GTF2F2: variants seen among roughly 807,000 people sequenced by gnomAD.
GTF2F2 encodes the protein ATP-dependent helicase GTF2F2.
GTF2F2 carries 23 observed loss-of-function variants against 42.2 expected under a neutral mutation model. The observed-to-expected ratio is 0.55, with a 90% confidence interval of 0.39 to 0.77. GTF2F2 has a LOEUF of 0.77. Ranked by LOEUF, GTF2F2 falls within the 30% of genes least tolerant of loss-of-function variation. The pLI is 0.00. For missense variants in GTF2F2, 261 were observed against 287.2 expected (o/e 0.91, Z 0.66); for synonymous variants, 105 against 100.8 (o/e 1.04, Z -0.25).
chr13:45,217,054 A>G (rs1459692109), intron 5 of GTF2F2, among the ~76,000 whole-genome samples: 1 of 151,892 alleles, frequency 6.6e-6, no homozygotes, highest in African/African-American at 2.4e-5. Context: ...TAATCCCAGC[A>G]CTTTGGGAGG....
chr13:45,278,816 C>CTTTTTTTTTTTTTT lies in GTF2F2; in HGVS notation c.631-4614_631-4601dup, dbSNP rs1157972776. 6.2e-3 allele frequency among the ~76,000 whole-genome samples: 385 copies of CTTTTTTTTTTTTTT among 62,302 alleles called. 18 individuals carry two copies. Among genetic ancestry groups the CTTTTTTTTTTTTTT allele is most frequent in the African/African-American group, 0.01 (149 of 14,378 alleles). The allele number at this position is 62,302 out of a possible 152,430, so 40.9% of individuals were successfully genotyped here. A position where few individuals can be genotyped will look rare whatever the true frequency, so the allele number is the denominator to read the frequency against. ...CCTGCCAATTTGCCTTTTTCTTTTT[C>CTTTTTTTTTTTTTT]TTTTTTTTTTTTTTTTTTTTTTTTT... On this transcript the variant is annotated intron_variant, in intron 7 of 7. Coordinates refer to ENST00000340473, the MANE Select transcript of GTF2F2 (RefSeq NM_004128.3).
At chr13:45,128,331 T>G (rs1869154745) in intron 1 of GTF2F2, among the ~76,000 whole-genome samples, 1 of 148,834 alleles carries the variant, frequency 6.7e-6, no homozygotes, top group African/African-American at 2.4e-5. Flanking sequence ...TTGCAGCACT[T>G]TGGGAGGCCG....
chr13:45,177,331 T>G (rs909297498), intron 4 of GTF2F2, among the ~76,000 whole-genome samples: 1 of 152,206 alleles, frequency 6.6e-6, no homozygotes, highest in Non-Finnish European at 1.5e-5. Context: ...TGCGTCCCCT[T>G]ACCACCTCCC....
chr13:45,228,844 A>G (rs1874518509), intron 5 of GTF2F2, among the ~76,000 whole-genome samples: 1 of 151,604 alleles, frequency 6.6e-6, no homozygotes. Context: ...CTAATTTTGT[A>G]TTTTTAGTAG....
chr13:45,211,556 A>G (rs1024082755), intron 5 of GTF2F2, among the ~76,000 whole-genome samples: 5 of 150,516 alleles, frequency 3.3e-5, no homozygotes, highest in Admixed American at 6.6e-5. Flanking sequence ...GGCATGAGCC[A>G]CCATACCTGG....
chr13:45,261,873 A>G (rs1181558669), intron 6 of GTF2F2, among the ~76,000 whole-genome samples: 2 of 152,250 alleles, frequency 1.3e-5, no homozygotes, highest in Non-Finnish European at 2.9e-5. Flanking sequence ...TGAATATAGT[A>G]TTAAGATTAC....
chr13:45,204,714 T>G (rs941499920), intron 4 of GTF2F2, among the ~76,000 whole-genome samples: 1 of 152,064 alleles, frequency 6.6e-6, no homozygotes, highest in African/African-American at 2.4e-5. Flanking sequence ...CTTTTAAAAA[T>G]GTATTTAAGA....
intron 7 of GTF2F2, among the ~76,000 whole-genome samples, chr13:45,281,795 C>G (rs1344070705): frequency 6.6e-6 from 1 of 152,218 alleles, no homozygotes; most frequent in Non-Finnish European, 1.5e-5. Flanking sequence ...TTACATCTTC[C>G]ATCAATGGGA....
At chr13:45,129,429 C>G (rs1045649275) in intron 1 of GTF2F2, among the ~76,000 whole-genome samples, 1 of 152,070 alleles carries the variant, frequency 6.6e-6, no homozygotes, top group African/African-American at 2.4e-5. Flanking sequence ...AGGCTGGTCT[C>G]GAACTCCTGT....
chr13:45,179,795 T>C (rs1299965686), intron 4 of GTF2F2, among the ~76,000 whole-genome samples: 2 of 152,338 alleles, frequency 1.3e-5, no homozygotes, highest in Non-Finnish European at 2.9e-5. Flanking sequence ...AGATTTTATC[T>C]AAATTAAGTT....
At chr13:45,274,322 AC>A (rs1876929486) in intron 7 of GTF2F2, among the ~76,000 whole-genome samples, 1 of 113,082 alleles carries the variant, frequency 8.8e-6, no homozygotes, top group Non-Finnish European at 1.8e-5. Context: ...TACAAATTAT[AC>A]TTTTTTTTTT....
chr13:45,239,496 T>TAAAA (rs1207329937), intron 5 of GTF2F2, among the ~76,000 whole-genome samples: 2 of 152,152 alleles, frequency 1.3e-5, no homozygotes, highest in African/African-American at 2.4e-5. Flanking sequence ...TTTAAAAAAA[T>TAAAA]AAAACAAGAC....
At chr13:45,255,672 T>C (rs1355093493) in intron 6 of GTF2F2, among the ~76,000 whole-genome samples, 1 of 152,218 alleles carries the variant, frequency 6.6e-6, no homozygotes, top group Non-Finnish European at 1.5e-5. Flanking sequence ...GAGCTACGTG[T>C]AAATAGAGAT....
At chr13:45,131,897 CAAAAAAAAAA>C (rs765260379) in intron 1 of GTF2F2, among the ~76,000 whole-genome samples, 56 of 53,206 alleles carry the variant, frequency 1.1e-3, no homozygotes, top group Non-Finnish European at 1.7e-3. Context: ...GACCCTGTCT[CAAAAAAAAAA>C]AAAAAAAAAA....
chr13:45,194,645 CT>C, intron 4 of GTF2F2: 1 of 1,288,778 alleles, frequency 7.8e-7, no homozygotes, highest in Non-Finnish European at 1.1e-6. Context: ...ACAAGCACGC[CT>C]TTATTCAGCC....
chr13:45,275,923 G>T (rs770476827), intron 7 of GTF2F2, among the ~76,000 whole-genome samples: 47 of 152,060 alleles, frequency 3.1e-4, no homozygotes, highest in Non-Finnish European at 6.0e-4. Context: ...CCACCAACAG[G>T]GTAAAAGTGT....
At chr13:45,136,213 T>C (rs1410660922) in intron 1 of GTF2F2, among the ~76,000 whole-genome samples, 1 of 152,246 alleles carries the variant, frequency 6.6e-6, no homozygotes, top group Non-Finnish European at 1.5e-5. Flanking sequence ...TGTCAATCTA[T>C]ATAAAGTGCT....
At chr13:45,150,886 A>T (rs1479802052) in intron 3 of GTF2F2, among the ~76,000 whole-genome samples, 1 of 152,118 alleles carries the variant, frequency 6.6e-6, no homozygotes, top group East Asian at 1.9e-4. Flanking sequence ...TTCTTCAGCT[A>T]CAGACCAGAG....
At chr13:45,260,375 C>T (rs773990414) in intron 6 of GTF2F2, among the ~76,000 whole-genome samples, 21 of 152,116 alleles carry the variant, frequency 1.4e-4, no homozygotes, top group Non-Finnish European at 2.4e-4. Context: ...AAAGGACTGA[C>T]CAATTCTAAA....
Sources: allele counts gnomAD v4.1 joint callset (sites outside exome capture counted in the v4.1 genomes callset), GRCh38; gene constraint gnomAD v4.1.1; transcripts MANE v1.5; gene names NCBI Gene and HGNC (gene_info 2026-07-23, HGNC 2026-07-21).